Variants in SOCS2 observed in about 807,000 individuals in gnomAD.
The protein encoded by SOCS2 is suppressor of cytokine signaling 2, also known as CIS-2.
In SOCS2, 10 loss-of-function variants were observed where a neutral mutation model predicts 18.6. That is an observed-to-expected ratio of 0.54 (90% CI 0.33 to 0.91). The LOEUF (loss-of-function observed/expected upper bound fraction) is 0.91. SOCS2 is among the 40% of genes least tolerant of loss of function. The probability of loss-of-function intolerance (pLI) is 0.02; values close to 1 mark genes in which losing one functional copy is unlikely to be tolerated. For missense variants in SOCS2, 231 were observed against 247.2 expected (o/e 0.93, Z 0.44); for synonymous variants, 104 against 104.0 (o/e 1.00, Z 0.00).
Position 93,575,258 on chromosome 12 carries a change from G to C in SOCS2, c.*79G>C. 1.0e-6 allele frequency: 1 copy of C among 982,738 alleles called. No individual in the cohort carries two copies. Among genetic ancestry groups the C allele is most frequent in the Non-Finnish European group, 1.5e-6 (1 of 679,526 alleles). 60.9% of individuals were successfully genotyped at this position (982,738 alleles called of 1,614,324 possible). A position where few individuals can be genotyped will look rare whatever the true frequency, so the allele number is the denominator to read the frequency against. On this transcript the variant is annotated 3_prime_UTR_variant, in exon 2 of 2. Coordinates refer to ENST00000551556, the MANE Select transcript of SOCS2 (RefSeq NM_001270471.2). The stretch of plus-strand genomic sequence containing the variant: ...TGTAAAAGAGAACCAAAACTTGAGT[G>C]CTCTGGATAACTATATGGAATGCTT...
downstream of SOCS2, among the ~76,000 whole-genome samples, chr12:93,587,432 A>C (rs1954591079): frequency 6.6e-6 from 1 of 152,174 alleles, no homozygotes; most frequent in Non-Finnish European, 1.5e-5. Context: ...CTGTAATCCT[A>C]GCACTTTGGG....
the SOCS2 span, among the ~76,000 whole-genome samples, chr12:93,605,204 C>T: frequency 6.6e-6 from 1 of 152,162 alleles, no homozygotes; most frequent in Admixed American, 6.5e-5. Flanking sequence ...CCACATTTAA[C>T]AAGGATAGTT....
chr12:93,593,696 T>C, the SOCS2 span, among the ~76,000 whole-genome samples: 3 of 152,244 alleles, frequency 2.0e-5, no homozygotes, highest in Non-Finnish European at 4.4e-5. Flanking sequence ...ATCTGGAAAA[T>C]AACCCTAGTA....
At chr12:93,590,912 A>AAGAAATGAGAGTGACTTGGATGGG in the SOCS2 span, among the ~76,000 whole-genome samples, 3 of 150,536 alleles carry the variant, frequency 2.0e-5, no homozygotes, top group Non-Finnish European at 4.4e-5. Flanking sequence ...ATTGTTAGTG[A>AAGAAATGAGAGTGACTTGGATGGG]AGAAATGAGA....
the SOCS2 span, among the ~76,000 whole-genome samples, chr12:93,600,594 A>G: frequency 6.6e-6 from 1 of 152,050 alleles, no homozygotes; most frequent in Non-Finnish European, 1.5e-5. Flanking sequence ...GAGCTTTTCC[A>G]TCCCATACAT....
the SOCS2 span, among the ~76,000 whole-genome samples, chr12:93,605,640 A>C: frequency 6.6e-6 from 1 of 152,228 alleles, no homozygotes; most frequent in Non-Finnish European, 1.5e-5. Context: ...AATTATGTGA[A>C]ATGACTACAA....
the SOCS2 span, among the ~76,000 whole-genome samples, chr12:93,613,398 G>A: frequency 1.0e-4 from 15 of 146,856 alleles, no homozygotes; most frequent in Non-Finnish European, 2.1e-4. Flanking sequence ...TGCTCCTTCC[G>A]CCCCTCCCAG....
At chr12:93,623,356 A>C in the SOCS2 span, among the ~76,000 whole-genome samples, 4 of 152,162 alleles carry the variant, frequency 2.6e-5, no homozygotes, top group East Asian at 1.9e-4. Context: ...GAATCAATTA[A>C]ACCTCTTTCC....
At chr12:93,588,941 A>G in the SOCS2 span, among the ~76,000 whole-genome samples, 30 of 152,130 alleles carry the variant, frequency 2.0e-4, no homozygotes, top group Non-Finnish European at 3.2e-4. Flanking sequence ...GAATTTGTTG[A>G]TAGATCAGGG....
At chr12:93,584,635 T>G (rs377304527), downstream of SOCS2, among the ~76,000 whole-genome samples, 148 of 151,832 alleles carry the variant, frequency 9.7e-4, no homozygotes, top group Middle Eastern at 3.4e-3. Context: ...CTATGACCTC[T>G]TAATAATGAT....
the SOCS2 span, among the ~76,000 whole-genome samples, chr12:93,614,623 CTTTCTTTCTTTT>C: frequency 3.3e-5 from 3 of 91,738 alleles, no homozygotes; most frequent in Middle Eastern, 5.7e-3. Flanking sequence ...TTCTTTCTTT[CTTTCTTTCTTTT>C]GATGGAGTCT....
At chr12:93,594,665 G>A in the SOCS2 span, among the ~76,000 whole-genome samples, 4 of 151,852 alleles carry the variant, frequency 2.6e-5, no homozygotes, top group Non-Finnish European at 5.9e-5. Context: ...TTTATTTATT[G>A]TAGAGAACTC....
At chr12:93,614,938 T>TAAAAAAA in the SOCS2 span, among the ~76,000 whole-genome samples, 1 of 135,544 alleles carries the variant, frequency 7.4e-6, no homozygotes. Flanking sequence ...ATTTTCTATT[T>TAAAAAAA]AAAAAAAAAA....
chr12:93,610,926 C>T, the SOCS2 span, among the ~76,000 whole-genome samples: 7,637 of 152,264 alleles, frequency 0.05, 434 homozygotes, highest in African/African-American at 0.15. Flanking sequence ...CTAAGACACA[C>T]TTTCACAATA....
chr12:93,572,647 A>C, upstream of SOCS2: 2 of 668,800 alleles, frequency 3.0e-6, no homozygotes, highest in East Asian at 3.0e-5. This position sits in a 1 kb window ranked among gnomAD's most constrained non-coding sequence, Gnocchi z 5.0. Context: ...GCAGGGGTCC[A>C]GTTTGGACTG....
At chr12:93,600,792 AT>A in the SOCS2 span, among the ~76,000 whole-genome samples, 469 of 138,370 alleles carry the variant, frequency 3.4e-3, 2 homozygotes, top group Middle Eastern at 7.6e-3. Context: ...TATTATTTTC[AT>A]TTTTTTTTTT....
At chr12:93,598,244 G>A in the SOCS2 span, among the ~76,000 whole-genome samples, 5 of 152,170 alleles carry the variant, frequency 3.3e-5, no homozygotes, top group Non-Finnish European at 7.4e-5. Flanking sequence ...GATGAGTTTG[G>A]TTTGTACAAG....
upstream of SOCS2, chr12:93,571,788 A>C (rs1239618577): frequency 1.0e-5 from 4 of 390,774 alleles, no homozygotes; most frequent in East Asian, 2.1e-4. Flanking sequence ...CGGGGGAAAC[A>C]AGGGCAGACG....
At chr12:93,595,406 C>T in the SOCS2 span, among the ~76,000 whole-genome samples, 1 of 152,044 alleles carries the variant, frequency 6.6e-6, no homozygotes, top group African/African-American at 2.4e-5. Context: ...ATCTTTCTAC[C>T]CTTCTTTGTT....
Sources: gnomAD v4.1 joint callset for allele counts (sites outside exome capture counted in the v4.1 genomes callset) on GRCh38, gnomAD v4.1.1 for gene constraint, Gnocchi (gnomAD v3.1) non-coding constraint, MANE v1.5 for transcripts, NCBI Gene and HGNC (gene_info 2026-07-23, HGNC 2026-07-21) for gene names.